Variants in IGF1R observed in about 807,000 individuals in gnomAD.
The protein encoded by IGF1R is insulin like growth factor 1 receptor.
In IGF1R, 44 loss-of-function variants were observed where a neutral mutation model predicts 144.6. The observed-to-expected ratio is 0.30, with a 90% CI of 0.24 to 0.39. The LOEUF is 0.39. IGF1R is among the 10% of genes least tolerant of loss of function. The pLI is 1.00. For missense variants in IGF1R, 1,355 were observed against 1,833.7 expected, an observed-to-expected ratio of 0.74 and a Z score of 4.77; for synonymous variants, 795 against 722.8, an observed-to-expected ratio of 1.10 and a Z score of -1.60.
rs570571316 is a variant in IGF1R at position 98,819,205 on chromosome 15, C to T, written c.641-72120C>T. ...GGAATGGAGAGAAACATTTGGCACT[C>T]ATCTACTTGTAGCTTCCCTGTCGAG... On this transcript the variant is annotated intron_variant, in intron 2 of 20. Transcript: ENST00000650285. Among the ~76,000 whole-genome samples, 8 of 152,270 alleles carry T rather than the reference C, an allele frequency of 5.3e-5. No individual in the cohort carries two copies. The East Asian group carries it at 1.5e-3, about 29-fold the overall frequency.
At chr15:98,698,697 C>G (rs1217076885) in intron 1 of IGF1R, among the ~76,000 whole-genome samples, 1 of 152,186 alleles carries the variant, frequency 6.6e-6, no homozygotes, top group Non-Finnish European at 1.5e-5. Context: ...GTGATGGATC[C>G]AAGAGGTAGC....
At chr15:98,763,474 C>A (rs201419656) in intron 2 of IGF1R, among the ~76,000 whole-genome samples, 1 of 135,142 alleles carries the variant, frequency 7.4e-6, no homozygotes, top group Non-Finnish European at 1.6e-5. Flanking sequence ...TTTTTTTTTT[C>A]TTTTTGAGAA....
chr15:98,756,463 A>G (rs2055158545), intron 2 of IGF1R, among the ~76,000 whole-genome samples: 2 of 151,364 alleles, frequency 1.3e-5, no homozygotes, highest in African/African-American at 2.4e-5. Flanking sequence ...TCGCACAGTT[A>G]TTTGTAATAT....
intron 2 of IGF1R, among the ~76,000 whole-genome samples, chr15:98,838,334 C>T (rs1321405497): frequency 6.6e-6 from 1 of 152,134 alleles, no homozygotes; most frequent in Non-Finnish European, 1.5e-5. Flanking sequence ...TCATGTAAAC[C>T]CATAAAAAAT....
intron 2 of IGF1R, among the ~76,000 whole-genome samples, chr15:98,820,261 G>T (rs916027808): frequency 2.6e-5 from 4 of 151,876 alleles, no homozygotes; most frequent in African/African-American, 9.7e-5. Flanking sequence ...AGTCACATAC[G>T]TAGGTAATTT....
intron 2 of IGF1R, among the ~76,000 whole-genome samples, chr15:98,709,813 T>C (rs2053950418): frequency 6.6e-6 from 1 of 152,152 alleles, no homozygotes; most frequent in Non-Finnish European, 1.5e-5. Context: ...TCATAAGCTC[T>C]TTAGAGAAGG....
intron 20 of IGF1R, among the ~76,000 whole-genome samples, chr15:98,950,348 G>A (rs1322926861): frequency 6.6e-6 from 1 of 152,212 alleles, no homozygotes; most frequent in Non-Finnish European, 1.5e-5. Flanking sequence ...CAGTGTCTGT[G>A]GGCCAGGAAT....
intron 3 of IGF1R, among the ~76,000 whole-genome samples, chr15:98,892,409 C>G (rs1238435719): frequency 6.6e-6 from 1 of 150,918 alleles, no homozygotes; most frequent in Non-Finnish European, 1.5e-5. Flanking sequence ...AAATTAGCAC[C>G]TGTAGTCCTA....
Position 98,922,443 on chromosome 15 carries a change from T to G in IGF1R, c.2485+12T>G. 1 of 1,606,132 alleles carries G rather than the reference T, an allele frequency of 6.2e-7. No individual in the cohort carries two copies. Among genetic ancestry groups the G allele is most frequent in the Non-Finnish European group, 8.5e-7 (1 of 1,179,980 alleles). ...GACTATGCCCGCAGGTATGGTATGATCCAGCTGGCCCCATTGCCACCTTCC... is the reference window on the plus strand; with the variant it reads ...GACTATGCCCGCAGGTATGGTATGAGCCAGCTGGCCCCATTGCCACCTTCC... On this transcript the variant is annotated intron_variant, in intron 11 of 20. Coordinates refer to ENST00000650285, the MANE Select transcript of IGF1R (RefSeq NM_000875.5).
chr15:98,930,404 AT>A (rs2015894079), intron 15 of IGF1R, 99 bp downstream of exon 15: 1 of 755,204 alleles, frequency 1.3e-6, no homozygotes, highest in Non-Finnish European at 2.3e-6. Flanking sequence ...GGTTTGCATT[AT>A]TTTGAGCTAC....
chr15:98,754,414 A>G (rs1259963874), intron 2 of IGF1R, among the ~76,000 whole-genome samples: 3 of 152,150 alleles, frequency 2.0e-5, no homozygotes, highest in Non-Finnish European at 1.5e-5. Context: ...TCTGCCTGTG[A>G]GTATTTGAGT....
intron 2 of IGF1R, among the ~76,000 whole-genome samples, chr15:98,723,050 G>A (rs1293625977): frequency 6.6e-6 from 1 of 151,574 alleles, no homozygotes; most frequent in African/African-American, 2.4e-5. Context: ...TAGGTTTTAG[G>A]TTCCCTGCTG....
chr15:98,845,764 C>G (rs1320792707), intron 2 of IGF1R, among the ~76,000 whole-genome samples: 1 of 151,922 alleles, frequency 6.6e-6, no homozygotes, highest in African/African-American at 2.4e-5. Flanking sequence ...GATTAGTGTT[C>G]CAATTCTTGT....
chr15:98,793,606 AT>A (rs1257905632), intron 2 of IGF1R, among the ~76,000 whole-genome samples: 1 of 152,218 alleles, frequency 6.6e-6, no homozygotes, highest in Non-Finnish European at 1.5e-5. Flanking sequence ...AGATGTTGTT[AT>A]TTTGACAGAA....
intron 2 of IGF1R, among the ~76,000 whole-genome samples, chr15:98,802,988 A>G (rs2056392742): frequency 6.6e-6 from 1 of 152,248 alleles, no homozygotes; most frequent in Non-Finnish European, 1.5e-5. Context: ...AAACACAGTG[A>G]AAAAATGGTT....
At chr15:98,911,923 C>A (rs1350593808) in intron 7 of IGF1R, among the ~76,000 whole-genome samples, 1 of 152,210 alleles carries the variant, frequency 6.6e-6, no homozygotes, top group African/African-American at 2.4e-5. Context: ...TGCTCTAGGT[C>A]ATGAGCCTTC....
At chr15:98,680,739 T>A (rs1320388555) in intron 1 of IGF1R, among the ~76,000 whole-genome samples, 1 of 152,130 alleles carries the variant, frequency 6.6e-6, no homozygotes, top group Non-Finnish European at 1.5e-5. Flanking sequence ...CTAATTTTTG[T>A]TTTTTAATTT....
chr15:98,724,158 C>G (rs1485054167), intron 2 of IGF1R, among the ~76,000 whole-genome samples: 1 of 152,188 alleles, frequency 6.6e-6, no homozygotes, highest in Admixed American at 6.5e-5. Context: ...GCAAACTACA[C>G]CAGATAATCA....
chr15:98,720,293 T>G (rs2054216774), intron 2 of IGF1R, among the ~76,000 whole-genome samples: 1 of 152,210 alleles, frequency 6.6e-6, no homozygotes, highest in African/African-American at 2.4e-5. Context: ...TGTGTACACT[T>G]AAGCACCATT....
Sources: gnomAD v4.1 joint callset for allele counts (sites outside exome capture counted in the v4.1 genomes callset) on GRCh38, gnomAD v4.1.1 for gene constraint, MANE v1.5 for transcripts, NCBI Gene and HGNC (gene_info 2026-07-23, HGNC 2026-07-21) for gene names.